The following DHX36 variants were observed in gnomAD, a reference collection of about 807,000 sequenced individuals.
The protein encoded by DHX36 is DEAH-box helicase 36.
DHX36 carries 50 observed loss-of-function variants against 139.0 expected under a neutral mutation model. The observed-to-expected ratio is 0.36, with a 90% CI of 0.29 to 0.46. DHX36 has a LOEUF of 0.46. DHX36 is among the 20% of genes least tolerant of loss of function. The pLI, the probability that DHX36 is intolerant of heterozygous loss-of-function variation, is 1.00. For missense variants in DHX36, 1,024 were observed against 1,211.3 expected, an observed-to-expected ratio of 0.85 and a Z score of 2.29; for synonymous variants, 425 against 401.9, an observed-to-expected ratio of 1.06 and a Z score of -0.69.
chr3:154,279,335 T>C (rs1719259630), intron 22 of DHX36: 2 of 152,152 alleles, frequency 1.3e-5, no homozygotes, highest in African/African-American at 2.4e-5. Flanking sequence ...TGACCCCTAG[T>C]CTGGACCAAA....
chr3:154,310,831 A>ATATATG (rs1712731270), intron 4 of DHX36, among the ~76,000 whole-genome samples: 1 of 45,416 alleles, frequency 2.2e-5, no homozygotes, highest in Non-Finnish European at 3.7e-5. Flanking sequence ...ATATATATAT[A>ATATATG]TATATATATA....
At chr3:154,300,912 A>G in intron 10 of DHX36, 75 bp downstream of exon 10, 3 of 1,571,650 alleles carry the variant, frequency 1.9e-6, no homozygotes, top group Admixed American at 1.9e-5. Context: ...TACAGATTCA[A>G]GAAGATGCCC....
At chr3:154,277,811 G>A in intron 22 of DHX36, 93 bp from the exon 23 acceptor site, 6 of 1,189,648 alleles carry the variant, frequency 5.0e-6, no homozygotes, top group South Asian at 5.0e-5. Context: ...AGAAGAGCTT[G>A]GTAAAAACCA....
At chr3:154,276,516 T>G (rs914589425) in intron 24 of DHX36, 160 bp from the exon 25 acceptor site, 4 of 793,574 alleles carry the variant, frequency 5.0e-6, no homozygotes, top group Non-Finnish European at 7.8e-6. Context: ...TATGAGTGAA[T>G]AACTAAAGTG....
chr3:154,288,724 ATTGATAGTCAAATAGCCAATC>A, intron 17 of DHX36, 121 bp downstream of exon 17: 2 of 427,612 alleles, frequency 4.7e-6, no homozygotes, highest in East Asian at 7.1e-5. Context: ...ATAGTTCTAA[ATTGATAGTCAAATAGCCAATC>A]AAATTTGGCA....
chr3:154,308,945 C>T (rs1354418627), intron 5 of DHX36, among the ~76,000 whole-genome samples: 2 of 151,946 alleles, frequency 1.3e-5, no homozygotes, highest in Admixed American at 6.6e-5. Flanking sequence ...CCCAGCACTC[C>T]GGGAGGCTGA....
At chr3:154,301,814 A>G (rs1410941593) in intron 9 of DHX36, among the ~76,000 whole-genome samples, 4 of 152,034 alleles carry the variant, frequency 2.6e-5, no homozygotes, top group Non-Finnish European at 4.4e-5. Context: ...CAGTCCTGAG[A>G]GGCACGAGGT....
At chr3:154,291,129 C>A in intron 15 of DHX36, among the ~76,000 whole-genome samples, 1 of 67,266 alleles carries the variant, frequency 1.5e-5, no homozygotes, top group African/African-American at 7.4e-5. Flanking sequence ...AGCGAGACTC[C>A]GTCTCAAAAA....
intron 13 of DHX36, among the ~76,000 whole-genome samples, 200 bp downstream of exon 13, chr3:154,295,084 G>A (rs111940591): frequency 1.2e-3 from 187 of 152,138 alleles, no homozygotes; most frequent in African/African-American, 4.2e-3. Context: ...TCTGATTTGT[G>A]GGTTATCCGC....
rs756425679 is a variant in DHX36 at position 154,284,795 on chromosome 3, T to C, written c.2205+19A>G. On this transcript the variant is annotated intron_variant, in intron 18 of 24. Transcript: ENST00000496811. ...TGTTCACATCTAAAATAACTCGGTTTTATTTCCATTTTTCTTACCAGTGGA... is the reference window on the plus strand; with the variant it reads ...TGTTCACATCTAAAATAACTCGGTTCTATTTCCATTTTTCTTACCAGTGGA... The C allele has an allele frequency of 1.2e-6, 2 of 1,611,402 alleles. No homozygotes were observed. The highest frequency in any genetic ancestry group is 4.5e-5 in the East Asian group (2 of 44,842).
chr3:154,305,164 A>T lies in DHX36; in HGVS notation c.898T>A (p.Leu300Met). ...TGYQIRLQSR[L>M]PRKQGSILYC... ...AAGATAGAACCCTGTTTCCTTGGCA[A>T]CCGACTGTGAATGAAAGACATGAAT... Residue 300 changes from leucine (L) to methionine (M), a missense_variant, in exon 7 of 25, where the codon TTG becomes ATG. Coordinates refer to ENST00000496811, the MANE Select transcript of DHX36 (RefSeq NM_020865.3). 6.2e-7 allele frequency: 1 copy of T among 1,611,628 alleles called. No individual in the cohort carries two copies. The highest frequency in any genetic ancestry group is 8.5e-7 in the Non-Finnish European group (1 of 1,179,314).
chr3:154,321,926 C>A (rs1221346458), intron 1 of DHX36, among the ~76,000 whole-genome samples: 504 of 111,552 alleles, frequency 4.5e-3, no homozygotes, highest in Middle Eastern at 0.015. Flanking sequence ...GACTCCAACT[C>A]AAAAAAAAAA....
At chr3:154,287,921 A>T (rs1039786906) in intron 17 of DHX36, among the ~76,000 whole-genome samples, 1 of 152,138 alleles carries the variant, frequency 6.6e-6, no homozygotes, top group African/African-American at 2.4e-5. Flanking sequence ...CAGCATGGTT[A>T]GAATAAAAGG....
chr3:154,277,465 A>T, intron 23 of DHX36, 133 bp downstream of exon 23: 3 of 757,854 alleles, frequency 4.0e-6, no homozygotes, highest in African/African-American at 1.8e-5. Context: ...TGTTAGAGGG[A>T]AAAAGTTACT....
At chr3:154,287,111 T>C (rs549901143) in intron 17 of DHX36, among the ~76,000 whole-genome samples, 3 of 152,224 alleles carry the variant, frequency 2.0e-5, no homozygotes, top group South Asian at 2.1e-4. Context: ...TCCACAGACA[T>C]TGACCTATCA....
chr3:154,276,445 A>T (rs1157872115), intron 24 of DHX36, 89 bp from the exon 25 acceptor site: 10 of 1,242,856 alleles, frequency 8.0e-6, no homozygotes, highest in Non-Finnish European at 1.1e-5. Flanking sequence ...TGATACAAGG[A>T]GTTTCACAAG....
At chr3:154,294,108 G>C (rs1431390574) in intron 13 of DHX36, among the ~76,000 whole-genome samples, 1 of 152,100 alleles carries the variant, frequency 6.6e-6, no homozygotes, top group African/African-American at 2.4e-5. Context: ...ACAAAAGCTG[G>C]AGGTTATAAA....
chr3:154,292,669 C>A lies in DHX36; in HGVS notation c.1696G>T (p.Val566Leu). 1 of 1,613,694 alleles carries A rather than the reference C, an allele frequency of 6.2e-7. No homozygotes were observed. ...TCTTTTATTTTTCCTCCATCTATCA[C>A]ATAAACGACATCATCTATGGTAATG... Reference protein sequence around the residue: ...TSITIDDVVYVIDGGKIKETH... With the variant: ...TSITIDDVVYLIDGGKIKETH... The change falls in exon 15 of 25, where the codon GTG becomes TTG. Residue 566 changes from valine (V) to leucine (L), a missense_variant. By Grantham distance (32) the Val-to-Leu change is conservative. This residue lies in a region of DHX36 where 470 missense variants were observed against 616.2 expected (regional missense o/e 0.76). Transcript: ENST00000496811.
At position 154,294,952 on chromosome 3, in the gene DHX36, T is replaced by C. The variant is rs191278138; in HGVS notation, c.1605+332A>G. On this transcript the variant is annotated intron_variant, in intron 13 of 24. Coordinates refer to ENST00000496811, the MANE Select transcript of DHX36 (RefSeq NM_020865.3). ...CAAACTGTAGTATGTCACAGATCAT[T>C]AATTTCTAGGTTTGGTTACTTTTAG... Among the ~76,000 whole-genome samples, 5 of 152,328 alleles carry C rather than the reference T, an allele frequency of 3.3e-5. No individual in the cohort carries two copies. In the East Asian group the frequency reaches 9.7e-4, roughly 29 times the overall value.
Sources: allele counts gnomAD v4.1 joint callset (sites outside exome capture counted in the v4.1 genomes callset), GRCh38; gene constraint gnomAD v4.1.1; regional missense constraint gnomAD v4.1.1; transcripts MANE v1.5; gene names NCBI Gene and HGNC (gene_info 2026-07-23, HGNC 2026-07-21).